NEK10: variants seen among roughly 807,000 people sequenced by gnomAD.
NEK10 encodes the protein serine/threonine-protein kinase Nek10.
A neutral mutation model predicts 159.8 loss-of-function variants in NEK10; 122 were observed. The ratio of observed to expected loss-of-function variants is 0.76; its 90% confidence interval spans 0.66 to 0.89. NEK10 has a LOEUF of 0.89. NEK10 is among the 40% of genes least tolerant of loss of function. NEK10 has a pLI of 0.00. For missense variants in NEK10, 1,342 were observed against 1,323.1 expected, an observed-to-expected ratio of 1.01 and a Z score of -0.22; for synonymous variants, 466 against 457.1, an observed-to-expected ratio of 1.02 and a Z score of -0.25.
intron 25 of NEK10, chr3:27,193,996 G>C (rs1949349670): frequency 6.6e-6 from 1 of 151,960 alleles, no homozygotes. Context: ...CATCTAAAAA[G>C]TTTACCTACC....
At chr3:27,143,305 CTA>C (rs1300551371) in intron 30 of NEK10, 2 of 486,518 alleles carry the variant, frequency 4.1e-6, no homozygotes, top group African/African-American at 2.0e-5. Context: ...CATTTTTATA[CTA>C]TGTTTCTGAT....
intron 8 of NEK10, 88 bp downstream of exon 8, chr3:27,312,011 T>C (rs770129371): frequency 3.6e-6 from 3 of 836,916 alleles, no homozygotes; most frequent in East Asian, 5.3e-5. Context: ...AATAAATATT[T>C]AAAGTATCCT....
At chr3:27,208,447 A>T (rs1406155075) in intron 23 of NEK10, among the ~76,000 whole-genome samples, 1 of 152,150 alleles carries the variant, frequency 6.6e-6, no homozygotes, top group Non-Finnish European at 1.5e-5. Context: ...GAGCACCCTG[A>T]TCGGCCTTAT....
intron 23 of NEK10, among the ~76,000 whole-genome samples, chr3:27,210,065 A>AT (rs1950873651): frequency 6.6e-6 from 1 of 150,780 alleles, no homozygotes; most frequent in African/African-American, 2.4e-5. Context: ...GCCACCATCT[A>AT]TTTTTTCTGA....
At chr3:27,357,388 T>C (rs1264468090) in intron 1 of NEK10, among the ~76,000 whole-genome samples, 1 of 152,236 alleles carries the variant, frequency 6.6e-6, no homozygotes, top group Non-Finnish European at 1.5e-5. Context: ...ATAAAATCAG[T>C]TGATGAGCAT....
At chr3:27,244,350 G>C (rs1297620528) in intron 23 of NEK10, among the ~76,000 whole-genome samples, 4 of 152,180 alleles carry the variant, frequency 2.6e-5, no homozygotes, top group Non-Finnish European at 5.9e-5. Context: ...TAGTTGCCCA[G>C]TCCACTGTTA....
intron 23 of NEK10, among the ~76,000 whole-genome samples, chr3:27,209,423 C>T (rs1950809208): frequency 6.6e-6 from 1 of 152,186 alleles, no homozygotes; most frequent in African/African-American, 2.4e-5. Flanking sequence ...GCATTTGGGA[C>T]ACTTCTCTAA....
At chr3:27,360,908 G>A (rs564312787) in intron 1 of NEK10, among the ~76,000 whole-genome samples, 3 of 152,276 alleles carry the variant, frequency 2.0e-5, no homozygotes, top group African/African-American at 7.2e-5. Context: ...AATACTTTAA[G>A]CAATTTTCTA....
At chr3:27,281,491 T>C (rs994625709) in intron 22 of NEK10, among the ~76,000 whole-genome samples, 1 of 151,904 alleles carries the variant, frequency 6.6e-6, no homozygotes, top group African/African-American at 2.4e-5. Flanking sequence ...CAAAACTAGA[T>C]ACCAGAAGAC....
intron 23 of NEK10, chr3:27,255,205 A>T (rs538266958): frequency 4.1e-5 from 11 of 265,670 alleles, no homozygotes; most frequent in South Asian, 3.5e-4. Flanking sequence ...CGAGTAGGTC[A>T]GCCTTACTGT....
intron 23 of NEK10, among the ~76,000 whole-genome samples, chr3:27,251,798 T>G (rs1955696905): frequency 6.6e-6 from 1 of 152,238 alleles, no homozygotes; most frequent in African/African-American, 2.4e-5. Flanking sequence ...ACATTTTATT[T>G]TGTTAAAATG....
At chr3:27,114,684 A>T (rs901609998) in intron 35 of NEK10, among the ~76,000 whole-genome samples, 1 of 152,150 alleles carries the variant, frequency 6.6e-6, no homozygotes, top group Non-Finnish European at 1.5e-5. Context: ...TTTGGTGAAG[A>T]CTTCTGGAAT....
intron 30 of NEK10, among the ~76,000 whole-genome samples, chr3:27,159,635 A>T (rs575500521): frequency 1.2e-4 from 19 of 152,268 alleles, no homozygotes; most frequent in African/African-American, 4.6e-4. Flanking sequence ...AGGGAATTGC[A>T]ATCTATTATT....
chr3:27,241,377 C>T (rs892409244), intron 23 of NEK10, among the ~76,000 whole-genome samples: 1 of 152,120 alleles, frequency 6.6e-6, no homozygotes, highest in Non-Finnish European at 1.5e-5. Flanking sequence ...GAATTCCAAC[C>T]ATTTGCAGGT....
chr3:27,218,824 CAGCT>C (rs765547238), intron 23 of NEK10, among the ~76,000 whole-genome samples: 1 of 151,374 alleles, frequency 6.6e-6, no homozygotes, highest in Non-Finnish European at 1.5e-5. Context: ...TAAAAGCACT[CAGCT>C]AGGAACAGAA....
At chr3:27,275,909 C>T (rs1333167013) in intron 22 of NEK10, among the ~76,000 whole-genome samples, 1 of 151,992 alleles carries the variant, frequency 6.6e-6, no homozygotes, top group Non-Finnish European at 1.5e-5. Flanking sequence ...AAAATTTTTT[C>T]TTTGAGTTAC....
intron 31 of NEK10, among the ~76,000 whole-genome samples, chr3:27,137,736 C>T (rs1943367985): frequency 6.6e-6 from 1 of 152,136 alleles, no homozygotes; most frequent in African/African-American, 2.4e-5. Context: ...TAGACTCTTG[C>T]ATCTCCAAAA....
chr3:27,146,124 G>C (rs1254419840), intron 30 of NEK10, among the ~76,000 whole-genome samples: 1 of 152,120 alleles, frequency 6.6e-6, no homozygotes, highest in Non-Finnish European at 1.5e-5. Flanking sequence ...ATAATAAGCT[G>C]GAAGCATTAG....
At chr3:27,234,558 G>C (rs925165771) in intron 23 of NEK10, among the ~76,000 whole-genome samples, 3 of 152,062 alleles carry the variant, frequency 2.0e-5, no homozygotes, top group African/African-American at 7.2e-5. Context: ...GCTAACAAGG[G>C]AAGTGAAGGA....
Sources: allele counts gnomAD v4.1 joint callset (sites outside exome capture counted in the v4.1 genomes callset), GRCh38; gene constraint gnomAD v4.1.1; transcripts MANE v1.5; gene names NCBI Gene and HGNC (gene_info 2026-07-23, HGNC 2026-07-21).